Variants in ANKRD33B observed in about 807,000 individuals in gnomAD.
ANKRD33B encodes the protein ankyrin repeat domain 33B.
Under a neutral mutation model 21.5 loss-of-function variants are expected in ANKRD33B, and 6 were observed. That is an observed-to-expected ratio of 0.28 (90% confidence interval 0.15 to 0.55). ANKRD33B has a LOEUF of 0.55. ANKRD33B is among the 20% of genes least tolerant of loss of function. ANKRD33B has a pLI of 0.94. For synonymous variants in ANKRD33B, 347 were observed against 342.4 expected (o/e 1.01, Z -0.15); for missense variants, 698 against 747.2 (o/e 0.93, Z 0.77).
chr5:10,632,256 G>A (rs551515964), intron 2 of ANKRD33B, among the ~76,000 whole-genome samples: 2 of 152,104 alleles, frequency 1.3e-5, no homozygotes, highest in African/African-American at 2.4e-5. Context: ...CTATGAACTT[G>A]AAGATGAGTC....
At chr5:10,600,944 A>G (rs1735915240) in intron 1 of ANKRD33B, among the ~76,000 whole-genome samples, 1 of 142,302 alleles carries the variant, frequency 7.0e-6, no homozygotes, top group Non-Finnish European at 1.5e-5. Context: ...GTTATAATTT[A>G]AATTTTGTAC....
At chr5:10,631,578 C>T (rs1297542644) in intron 2 of ANKRD33B, among the ~76,000 whole-genome samples, 1 of 152,240 alleles carries the variant, frequency 6.6e-6, no homozygotes, top group Non-Finnish European at 1.5e-5. Flanking sequence ...GAAACAGACC[C>T]TTCCAGGGGC....
rs141364190 is a variant in ANKRD33B, at chr5:10,573,223, C to T, written c.366+8390C>T. ...GTGGCTCACACCTGTAATCCCAGCACTTTGGGAGGCCGAGGTGGGCAGATA... is the reference window on the plus strand; with the variant it reads ...GTGGCTCACACCTGTAATCCCAGCATTTTGGGAGGCCGAGGTGGGCAGATA... On this transcript the variant is annotated intron_variant, in intron 1 of 3. Transcript: ENST00000296657. 4.9e-3 allele frequency among the ~76,000 whole-genome samples: 739 copies of T among 152,266 alleles called. 4 individuals are homozygous for T. The highest frequency in any genetic ancestry group is 0.017 in the African/African-American group (715 of 41,548).
intron 3 of ANKRD33B, among the ~76,000 whole-genome samples, chr5:10,647,043 T>C (rs1044236972): frequency 1.3e-5 from 2 of 152,218 alleles, no homozygotes; most frequent in African/African-American, 4.8e-5. Context: ...GACTAGATAA[T>C]TGCCCTAGTT....
chr5:10,609,914 A>T (rs938088656), intron 1 of ANKRD33B, among the ~76,000 whole-genome samples: 1 of 152,220 alleles, frequency 6.6e-6, no homozygotes, highest in African/African-American at 2.4e-5. Flanking sequence ...ATCTAAAAAA[A>T]ACAAAACACA....
chr5:10,623,748 C>T (rs1053755711), intron 2 of ANKRD33B, among the ~76,000 whole-genome samples: 56 of 152,256 alleles, frequency 3.7e-4, no homozygotes, highest in South Asian at 4.1e-4. Flanking sequence ...ATCGGGTGGC[C>T]GGGGTATGTA....
At chr5:10,612,783 T>A (rs1311480977) in intron 1 of ANKRD33B, among the ~76,000 whole-genome samples, 5 of 152,234 alleles carry the variant, frequency 3.3e-5, no homozygotes, top group African/African-American at 1.2e-4. Flanking sequence ...TAAAACATCC[T>A]GAGATGATTG....
At chr5:10,603,430 T>C (rs886810896) in intron 1 of ANKRD33B, among the ~76,000 whole-genome samples, 7 of 152,028 alleles carry the variant, frequency 4.6e-5, no homozygotes, top group East Asian at 3.9e-4. Context: ...GCCAGGTTAA[T>C]TGTTGTATTT....
intron 1 of ANKRD33B, among the ~76,000 whole-genome samples, chr5:10,592,067 T>C (rs1271251114): frequency 1.3e-5 from 1 of 76,722 alleles, no homozygotes; most frequent in African/African-American, 4.9e-5. Flanking sequence ...TATCTTTTGA[T>C]TTTATGGTGT....
intron 1 of ANKRD33B, among the ~76,000 whole-genome samples, chr5:10,602,277 AGCCTGGGCTGAG>A (rs1181819061): frequency 6.6e-6 from 1 of 152,250 alleles, no homozygotes; most frequent in Non-Finnish European, 1.5e-5. Context: ...CCCAGCCAGG[AGCCTGGGCTGAG>A]GCCTGAGGAT....
chr5:10,636,428 G>A (rs560026810), intron 2 of ANKRD33B, among the ~76,000 whole-genome samples: 19 of 151,232 alleles, frequency 1.3e-4, no homozygotes, highest in Admixed American at 2.6e-4. Flanking sequence ...CCTCGGCAAC[G>A]TTGGGAGATC....
At position 10,650,224 on chromosome 5, in the gene ANKRD33B, G is replaced by C; in HGVS notation, c.*111G>C. 2 of 1,188,860 alleles carry C rather than the reference G, an allele frequency of 1.7e-6. No homozygotes were observed. Among genetic ancestry groups the C allele is most frequent in the Non-Finnish European group, 2.2e-6 (2 of 906,176 alleles). The allele number at this position is 1,188,860 out of a possible 1,614,324, so 73.6% of individuals were successfully genotyped here. On this transcript the variant is annotated 3_prime_UTR_variant, in exon 4 of 4. Coordinates refer to ENST00000296657, the MANE Select transcript of ANKRD33B (RefSeq NM_001164440.2). ...CGCATCGCACCACTTCCGCTCCATG[G>C]ACCACGGGGCTGCGCGCATTTCCAG...
chr5:10,641,521 G>A (rs1057077258), intron 3 of ANKRD33B, among the ~76,000 whole-genome samples: 4 of 151,916 alleles, frequency 2.6e-5, no homozygotes, highest in East Asian at 1.9e-4. Context: ...GAGCCACCGC[G>A]CCCTGCCCCT....
At chr5:10,615,359 A>G (rs1239629980) in intron 1 of ANKRD33B, among the ~76,000 whole-genome samples, 1 of 152,216 alleles carries the variant, frequency 6.6e-6, no homozygotes, top group Non-Finnish European at 1.5e-5. Context: ...ACGAGAAACA[A>G]AATACACAAA....
At chr5:10,638,317 G>A (rs1345198267) in intron 3 of ANKRD33B, 149 bp downstream of exon 3, 5 of 1,125,282 alleles carry the variant, frequency 4.4e-6, no homozygotes, top group Admixed American at 5.7e-5. Context: ...ATATACTTCT[G>A]TAACTATCTG....
chr5:10,587,504 T>C (rs1735591368), intron 1 of ANKRD33B, among the ~76,000 whole-genome samples: 1 of 151,940 alleles, frequency 6.6e-6, no homozygotes, highest in Middle Eastern at 3.2e-3. Flanking sequence ...CGGACAACAT[T>C]GAATAGTAAT....
At chr5:10,641,486 C>A (rs577816445) in intron 3 of ANKRD33B, among the ~76,000 whole-genome samples, 1 of 152,072 alleles carries the variant, frequency 6.6e-6, no homozygotes, top group East Asian at 1.9e-4. Context: ...GCCTTAGCCT[C>A]CCAAAGTTCT....
intron 1 of ANKRD33B, among the ~76,000 whole-genome samples, chr5:10,596,806 G>A (rs1010602701): frequency 3.3e-5 from 5 of 152,246 alleles, no homozygotes; most frequent in African/African-American, 1.2e-4. Flanking sequence ...AGAAAGGCCA[G>A]GTTACCCACA....
intron 1 of ANKRD33B, among the ~76,000 whole-genome samples, chr5:10,578,062 T>C (rs1324216168): frequency 2.6e-5 from 4 of 152,196 alleles, no homozygotes; most frequent in Admixed American, 1.3e-4. Flanking sequence ...ATGTCCTCTG[T>C]TGAAGAGTGA....
Sources: gnomAD v4.1 joint callset for allele counts (sites outside exome capture counted in the v4.1 genomes callset) on GRCh38, gnomAD v4.1.1 for gene constraint, MANE v1.5 for transcripts, NCBI Gene and HGNC (gene_info 2026-07-23, HGNC 2026-07-21) for gene names.